GPC3: variants seen among roughly 807,000 people sequenced by gnomAD.
GPC3 encodes the protein glypican-3.
In GPC3, 3 loss-of-function variants were observed where a neutral mutation model predicts 34.4. That is an observed-to-expected ratio of 0.09 (90% CI 0.04 to 0.23). GPC3 has a LOEUF of 0.23. Among genes scored for constraint, GPC3 ranks in the 10% least tolerant of loss-of-function variants. The pLI is 1.00. For synonymous variants in GPC3, 177 were observed against 174.0 expected, an observed-to-expected ratio of 1.02 and a Z score of -0.13; for missense variants, 351 against 445.6, an observed-to-expected ratio of 0.79 and a Z score of 1.91.
intron 2 of GPC3, among the ~76,000 whole-genome samples, chrX:133,852,068 C>T (rs1172144672): frequency 8.9e-6 from 1 of 112,114 alleles, no homozygotes; most frequent in Non-Finnish European, 1.9e-5. Context: ...TTATATATAT[C>T]CCTTCCAGGT....
At chrX:133,736,938 T>A (rs1163005672) in intron 3 of GPC3, among the ~76,000 whole-genome samples, 1 of 112,295 alleles carries the variant, frequency 8.9e-6, no homozygotes, top group Non-Finnish European at 1.9e-5. Context: ...TAATGAGGTA[T>A]AATTTACCAC....
chrX:133,954,764 T>G (rs2076409202), intron 1 of GPC3, among the ~76,000 whole-genome samples: 1 of 95,092 alleles, frequency 1.1e-5, no homozygotes, highest in Admixed American at 1.2e-4. Flanking sequence ...TTTTTTTTTT[T>G]GAGATGGAGT....
chrX:133,666,089 A>G (rs2070765112), intron 5 of GPC3, among the ~76,000 whole-genome samples: 1 of 112,132 alleles, frequency 8.9e-6, no homozygotes, highest in Non-Finnish European at 1.9e-5. Context: ...TCCAGCTTCC[A>G]AAACCATTAT....
chrX:133,937,341 G>T (rs775792177), intron 2 of GPC3, among the ~76,000 whole-genome samples: 1 of 111,291 alleles, frequency 9.0e-6, no homozygotes, highest in East Asian at 2.8e-4. Flanking sequence ...AAAGATAATT[G>T]AAGCTATATT....
chrX:133,610,068 G>A (rs2070094370), intron 6 of GPC3, among the ~76,000 whole-genome samples: 1 of 111,906 alleles, frequency 8.9e-6, no homozygotes, highest in African/African-American at 3.3e-5. Context: ...TCCTAAGAAG[G>A]TTATTAGAAT....
chrX:133,556,312 G>A (rs751620428), intron 7 of GPC3, among the ~76,000 whole-genome samples: 2 of 110,118 alleles, frequency 1.8e-5, no homozygotes, highest in South Asian at 8.0e-4. Flanking sequence ...CCCCCTCCTA[G>A]CACTATCCAA....
chrX:133,829,460 C>A (rs746473009), intron 2 of GPC3, among the ~76,000 whole-genome samples: 1 of 111,719 alleles, frequency 9.0e-6, no homozygotes, highest in African/African-American at 3.2e-5. Context: ...CACTATAAAC[C>A]AAATAGTCCT....
chrX:133,694,748 T>A (rs2071097590), intron 4 of GPC3, among the ~76,000 whole-genome samples: 1 of 107,134 alleles, frequency 9.3e-6, no homozygotes. Flanking sequence ...TCCATAGAAG[T>A]TAAAAAAAAA....
At chrX:133,579,202 C>G (rs1020967704) in intron 7 of GPC3, among the ~76,000 whole-genome samples, 2 of 112,393 alleles carry the variant, frequency 1.8e-5, no homozygotes, top group South Asian at 7.4e-4. Flanking sequence ...GGGTGTGAAG[C>G]TTTACCTTTG....
At chrX:133,698,604 G>A (rs1231407135) in intron 4 of GPC3, among the ~76,000 whole-genome samples, 1 of 111,976 alleles carries the variant, frequency 8.9e-6, no homozygotes. Flanking sequence ...TACTACAATA[G>A]GGTTCCTTTG....
chrX:133,703,751 C>T (rs896535647), intron 3 of GPC3, among the ~76,000 whole-genome samples: 1 of 111,950 alleles, frequency 8.9e-6, no homozygotes, highest in African/African-American at 3.2e-5. Context: ...TGAGCCACCG[C>T]GCCCAGCCAG....
chrX:133,557,326 T>C (rs2124285034), intron 7 of GPC3, among the ~76,000 whole-genome samples: 1 of 110,910 alleles, frequency 9.0e-6, no homozygotes, highest in South Asian at 3.8e-4. Flanking sequence ...AATAAATAAA[T>C]AAAAAATATT....
intron 2 of GPC3, among the ~76,000 whole-genome samples, chrX:133,889,070 T>G (rs2076074470): frequency 8.9e-6 from 1 of 112,265 alleles, no homozygotes; most frequent in Admixed American, 9.5e-5. Context: ...TGGCATGGAA[T>G]GTAGTAACAC....
intron 3 of GPC3, among the ~76,000 whole-genome samples, chrX:133,744,579 T>G (rs2071593848): frequency 8.9e-6 from 1 of 112,337 alleles, no homozygotes; most frequent in Non-Finnish European, 1.9e-5. Flanking sequence ...GTAAATTAGT[T>G]CAACCATCGT....
intron 2 of GPC3, among the ~76,000 whole-genome samples, chrX:133,879,495 A>G (rs888345779): frequency 1.8e-5 from 2 of 111,467 alleles, no homozygotes; most frequent in African/African-American, 6.5e-5. Flanking sequence ...CAATCAGTAT[A>G]TACCAAAAAA....
At chrX:133,675,831 T>C (rs1474911966) in intron 5 of GPC3, among the ~76,000 whole-genome samples, 2 of 112,433 alleles carry the variant, frequency 1.8e-5, no homozygotes, top group Admixed American at 1.9e-4. Flanking sequence ...TGTCATCATC[T>C]ATTCTACACT....
Position 133,753,879 on chromosome X carries a change from G to T in GPC3, c.635C>A (p.Pro212His), listed in dbSNP as rs1460413167. The T allele has an allele frequency of 8.3e-7, 1 of 1,211,703 alleles. No individual in the cohort carries two copies. ...RRDLKVFGNF[P>H]KLIMTQVSKS... ...GGAAACCTGGGTCATAATAAGCTTG[G>T]GGAAATTCCCAAATACTTTCAGGTC... Residue 212 changes from proline to histidine, a missense_variant, in exon 3 of 8, where the codon CCC becomes CAC. By Grantham distance (77) the Pro-to-His change is moderately conservative. Coordinates refer to ENST00000370818, the MANE Select transcript of GPC3 (RefSeq NM_004484.4).
intron 6 of GPC3, among the ~76,000 whole-genome samples, chrX:133,638,788 A>G (rs1603206215): frequency 9.2e-6 from 1 of 108,808 alleles, no homozygotes; most frequent in African/African-American, 3.4e-5. Flanking sequence ...GGCCACACAT[A>G]AAATACACTA....
At chrX:133,788,474 A>G (rs1231810026) in intron 2 of GPC3, among the ~76,000 whole-genome samples, 3 of 109,598 alleles carry the variant, frequency 2.7e-5, no homozygotes, top group Admixed American at 9.7e-5. Context: ...CACCTCTGAC[A>G]TGACAGTCAC....
Sources: allele counts gnomAD v4.1 joint callset (sites outside exome capture counted in the v4.1 genomes callset), GRCh38; gene constraint gnomAD v4.1.1; transcripts MANE v1.5; gene names NCBI Gene and HGNC (gene_info 2026-07-23, HGNC 2026-07-21).